GSE1: variants seen among roughly 807,000 people sequenced by gnomAD.
The protein encoded by GSE1 is genetic suppressor element 1.
A neutral mutation model predicts 112.6 loss-of-function variants in GSE1; 32 were observed. The observed-to-expected ratio is 0.28, with a 90% CI of 0.21 to 0.38. The LOEUF (loss-of-function observed/expected upper bound fraction) is 0.38. Ranked by LOEUF, GSE1 falls within the 10% of genes least tolerant of loss-of-function variation. The pLI, the probability that GSE1 is intolerant of heterozygous loss-of-function variation, is 1.00. For missense variants in GSE1, 2,348 were observed against 1,699.2 expected (o/e 1.38, Z -6.71); for synonymous variants, 1,115 against 735.6 (o/e 1.52, Z -8.35).
chr16:85,421,401 G>GA (rs1299701764), intron 2 of GSE1, among the ~76,000 whole-genome samples: 2 of 152,178 alleles, frequency 1.3e-5, no homozygotes, highest in African/African-American at 4.8e-5. Flanking sequence ...CCCCAGAAAA[G>GA]AGCACAGCAA....
intron 1 of GSE1, among the ~76,000 whole-genome samples, chr16:85,605,105 C>T (rs1171921537): frequency 2.0e-5 from 3 of 151,512 alleles, no homozygotes; most frequent in African/African-American, 4.9e-5. Context: ...ATGTGAGCCA[C>T]TGCGCCTGGT....
At chr16:85,445,251 T>A (rs1363153888) in intron 2 of GSE1, among the ~76,000 whole-genome samples, 1 of 152,176 alleles carries the variant, frequency 6.6e-6, no homozygotes, top group Admixed American at 6.5e-5. Context: ...GTGCGGTAAT[T>A]AGAGGCTGAC....
chr16:85,532,648 G>C (rs188024376), intron 2 of GSE1, among the ~76,000 whole-genome samples: 12 of 152,294 alleles, frequency 7.9e-5, no homozygotes, highest in African/African-American at 2.2e-4. Flanking sequence ...GCCCCGCACT[G>C]TTCCTCCCTG....
At position 85,657,524 on chromosome 16, in the gene GSE1, G is replaced by T. The variant is rs753218778; in HGVS notation, c.1560G>T (p.Gln520His). The T allele has an allele frequency of 1.9e-6, 3 of 1,604,642 alleles. No homozygotes were observed. The Admixed American group carries it at 5.1e-5, about 27-fold the overall frequency. Residue 520 changes from glutamine to histidine, a missense_variant, in exon 8 of 16, where the codon CAG becomes CAT. Physicochemically the swap from Gln to His is conservative, Grantham distance 24. Coordinates refer to ENST00000253458, the MANE Select transcript of GSE1 (RefSeq NM_014615.5). The part of the protein sequence containing the change: ...DRQSQVSEFR[Q>H]QVLEQHLDMG... ...AGTCTCAGGTGTCCGAGTTCCGGCA[G>T]CAGGTGCTGGAGCAGCACCTGGATA...
chr16:85,606,745 A>C, upstream of GSE1, among the ~76,000 whole-genome samples: 1 of 152,168 alleles, frequency 6.6e-6, no homozygotes, highest in East Asian at 1.9e-4. Context: ...GGACACTTAG[A>C]CTTGGCCAGG....
chr16:85,305,829 C>G (rs1396080079), intron 1 of GSE1, among the ~76,000 whole-genome samples: 6 of 152,106 alleles, frequency 3.9e-5, no homozygotes, highest in Non-Finnish European at 8.8e-5. Context: ...GTGTCTCACA[C>G]TTGTAGTCCC....
At chr16:85,630,523 C>T (rs1476176080) in intron 1 of GSE1, among the ~76,000 whole-genome samples, 1 of 152,188 alleles carries the variant, frequency 6.6e-6, no homozygotes, top group African/African-American at 2.4e-5. Flanking sequence ...GTCTATGCTG[C>T]CCAGGCTGGT....
At chr16:85,478,903 C>G (rs1169516277) in intron 2 of GSE1, among the ~76,000 whole-genome samples, 145 of 67,598 alleles carry the variant, frequency 2.1e-3, no homozygotes, top group Non-Finnish European at 3.0e-3. Flanking sequence ...TTCTTTCTTT[C>G]TTTCTTTCTT....
intron 2 of GSE1, among the ~76,000 whole-genome samples, chr16:85,485,087 TC>T: frequency 6.6e-6 from 1 of 152,330 alleles, no homozygotes; most frequent in African/African-American, 2.4e-5. Context: ...TAGGGCCACT[TC>T]CGCCACCACA....
chr16:85,359,973 G>A (rs993943828), intron 2 of GSE1, among the ~76,000 whole-genome samples: 2 of 152,238 alleles, frequency 1.3e-5, no homozygotes, highest in African/African-American at 4.8e-5. Flanking sequence ...GGTTGAGGCT[G>A]CAGTGAGCCG....
intron 2 of GSE1, among the ~76,000 whole-genome samples, chr16:85,390,616 A>G (rs1282928133): frequency 2.0e-5 from 3 of 151,842 alleles, no homozygotes; most frequent in Admixed American, 6.6e-5. Context: ...CTCACCTTGG[A>G]TTTACTGTGC....
chr16:85,235,261 G>T (rs936527974), intron 1 of GSE1, among the ~76,000 whole-genome samples: 5 of 152,042 alleles, frequency 3.3e-5, no homozygotes, highest in Non-Finnish European at 7.4e-5. Flanking sequence ...GGCCGCCTCT[G>T]GCTGCCAGGC....
At chr16:85,244,078 A>G (rs985684102) in intron 1 of GSE1, among the ~76,000 whole-genome samples, 3 of 152,108 alleles carry the variant, frequency 2.0e-5, no homozygotes, top group Non-Finnish European at 4.4e-5. Flanking sequence ...GTGAGCGGAG[A>G]TTGCACCATT....
chr16:85,324,413 G>A (rs1163795949), intron 1 of GSE1, among the ~76,000 whole-genome samples: 2 of 151,910 alleles, frequency 1.3e-5, no homozygotes, highest in Non-Finnish European at 2.9e-5. Context: ...GGGAGGCTGA[G>A]GCAGGAGAAT....
chr16:85,432,539 CT>C (rs1277401979), intron 2 of GSE1, among the ~76,000 whole-genome samples: 1 of 152,260 alleles, frequency 6.6e-6, no homozygotes, highest in Non-Finnish European at 1.5e-5. Flanking sequence ...TGCGTGTTCT[CT>C]TCAGGGCCCT....
chr16:85,196,211 T>C (rs1359821440), intron 1 of GSE1, among the ~76,000 whole-genome samples: 1 of 152,202 alleles, frequency 6.6e-6, no homozygotes, highest in Non-Finnish European at 1.5e-5. Flanking sequence ...CGTGTTATCA[T>C]TGTCTCGACC....
At chr16:85,446,373 A>G (rs1419461984) in intron 2 of GSE1, among the ~76,000 whole-genome samples, 1 of 152,192 alleles carries the variant, frequency 6.6e-6, no homozygotes, top group Non-Finnish European at 1.5e-5. Flanking sequence ...AAGCAGGGAT[A>G]AAAACAGAAC....
intron 3 of GSE1, among the ~76,000 whole-genome samples, chr16:85,651,866 T>A (rs370842646): frequency 6.6e-6 from 1 of 152,190 alleles, no homozygotes; most frequent in African/African-American, 2.4e-5. Flanking sequence ...CTGGTGTTCA[T>A]TGGGGTGCTA....
chr16:85,309,237 CACCTG>C (rs2045763375), intron 1 of GSE1, among the ~76,000 whole-genome samples: 1 of 152,144 alleles, frequency 6.6e-6, no homozygotes, highest in African/African-American at 2.4e-5. Context: ...CCATGGCTCA[CACCTG>C]TAATCCAGCA....
Sources: allele counts gnomAD v4.1 joint callset (sites outside exome capture counted in the v4.1 genomes callset), GRCh38; gene constraint gnomAD v4.1.1; transcripts MANE v1.5; gene names NCBI Gene and HGNC (gene_info 2026-07-23, HGNC 2026-07-21).